The following KMT2A variants were observed in gnomAD, a reference collection of about 807,000 sequenced individuals.
KMT2A encodes histone-lysine N-methyltransferase 2A.
Under a neutral mutation model 345.3 loss-of-function variants are expected in KMT2A, and 16 were observed. That is an observed-to-expected ratio of 0.05 (90% confidence interval 0.03 to 0.07). The LOEUF (loss-of-function observed/expected upper bound fraction) is 0.07, where lower values mean the gene tolerates loss of function less well. Among genes scored for constraint, KMT2A ranks in the 10% least tolerant of loss-of-function variants. The pLI is 1.00. For synonymous variants in KMT2A, 1,599 were observed against 1,778.6 expected, an observed-to-expected ratio of 0.90 and a Z score of 2.54; for missense variants, 3,272 against 4,841.6, an observed-to-expected ratio of 0.68 and a Z score of 9.62.
At position 118,493,624 on chromosome 11, in the gene KMT2A, G is replaced by A. The variant is rs1157566979; in HGVS notation, c.5178+394G>A. Among the ~76,000 whole-genome samples the A allele has an allele frequency of 2.0e-5, 3 of 152,116 alleles. No homozygotes were observed. Among genetic ancestry groups the A allele is most frequent in the African/African-American group, 7.2e-5 (3 of 41,420 alleles). ...GGTCTTCATTTGTAGATAGATGCCT[G>A]TTAATTTTATGATTTTAAGTATGTA... On this transcript the variant is annotated intron_variant, in intron 16 of 35. Transcript: ENST00000534358. The surrounding 1 kb of genome is among the most constrained non-coding windows in gnomAD (Gnocchi z 5.8).
At chr11:118,437,682 C>A (rs9332750) in intron 1 of KMT2A, among the ~76,000 whole-genome samples, 4,162 of 151,700 alleles carry the variant, frequency 0.027, 80 homozygotes, top group Non-Finnish European at 0.045. Context: ...TCTTCCCCCC[C>A]CCGCCCCGTC....
At position 118,494,762 on chromosome 11, in the gene KMT2A, A is replaced by C. The variant is rs782744821; in HGVS notation, c.5358A>C (p.Ser1786=). ...GGTTTTGGGAGCCAAATAAAGTATC[A>C]AGCAAGTAAGTGAATTTAGCATAAC... ...KSRFWEPNKV[S]SNSGMLPNAV... The change falls in exon 18 of 36, where the codon TCA becomes TCC. Residue 1786 remains serine (S), a synonymous_variant. Transcript: ENST00000534358. The surrounding 1 kb of genome is among the most constrained non-coding windows in gnomAD (Gnocchi z 5.8). 3 of 1,612,674 alleles carry C rather than the reference A, an allele frequency of 1.9e-6. No homozygotes were observed. In the East Asian group the frequency reaches 6.7e-5, roughly 36 times the overall value.
At chr11:118,452,402 G>T (rs1292672226) in intron 1 of KMT2A, among the ~76,000 whole-genome samples, 1 of 152,076 alleles carries the variant, frequency 6.6e-6, no homozygotes, top group African/African-American at 2.4e-5. Flanking sequence ...GCATGGTGGT[G>T]AGCACTGTAG....
At chr11:118,488,333 G>A (rs1404063302) in intron 10 of KMT2A, among the ~76,000 whole-genome samples, 2 of 151,714 alleles carry the variant, frequency 1.3e-5, no homozygotes, top group Non-Finnish European at 2.9e-5. Context: ...ATAGCTCTTT[G>A]TTTATACCAC....
At position 118,473,597 on chromosome 11, in the gene KMT2A, A is replaced by G; in HGVS notation, c.2438A>G (p.Asn813Ser). 6.2e-7 allele frequency: 1 copy of G among 1,614,088 alleles called. No individual in the cohort carries two copies. Among genetic ancestry groups the G allele is most frequent in the Non-Finnish European group, 8.5e-7 (1 of 1,180,040 alleles). ...LTQSGESAEK[N>S]QRPRKQTSAP... ...CAGTCTGGGGAATCTGCAGAGAAAA[A>G]TCAGAGACCAAGGAAGCAGACTAGT... is the stretch of plus-strand genomic sequence containing the variant. Residue 813 changes from asparagine (N) to serine (S), a missense_variant, in exon 3 of 36, where the codon AAT becomes AGT. This residue lies in a region of KMT2A where 209 missense variants were observed against 237.4 expected (regional missense o/e 0.88). Coordinates refer to ENST00000534358, the MANE Select transcript of KMT2A (RefSeq NM_001197104.2). This position sits in a 1 kb window ranked among gnomAD's most constrained non-coding sequence, Gnocchi z 5.2.
Position 118,520,738 on chromosome 11 carries a change from C to T in KMT2A, c.11430-64C>T, listed in dbSNP as rs1950946439. 3.3e-6 allele frequency: 4 copies of T among 1,204,770 alleles called. No homozygotes were observed. In the Admixed American group the frequency reaches 5.1e-5, roughly 15 times the overall value. The allele number at this position is 1,204,770 out of a possible 1,614,324, so 74.6% of individuals were successfully genotyped here. A position where few individuals can be genotyped will look rare whatever the true frequency, so the allele number is the denominator to read the frequency against. ...TGTACTAATTGTCTCTAGGAACCTT[C>T]GATTCAAGACTCAAAACATTATTTC... On this transcript the variant is annotated intron_variant, in intron 33 of 35. Coordinates refer to ENST00000534358, the MANE Select transcript of KMT2A (RefSeq NM_001197104.2). This position sits in a 1 kb window ranked among gnomAD's most constrained non-coding sequence, Gnocchi z 4.3.
rs1950452639 is a variant in KMT2A at position 118,498,849 on chromosome 11, C to T, written c.5961+321C>T. Among the ~76,000 whole-genome samples, 1 of 152,138 alleles carries T rather than the reference C, an allele frequency of 6.6e-6. No homozygotes were observed. Among genetic ancestry groups the T allele is most frequent in the African/African-American group, 2.4e-5 (1 of 41,410 alleles). On this transcript the variant is annotated intron_variant, in intron 22 of 35. Coordinates refer to ENST00000534358, the MANE Select transcript of KMT2A (RefSeq NM_001197104.2). The surrounding 1 kb of genome is among the most constrained non-coding windows in gnomAD (Gnocchi z 4.4). Reference sequence around the variant, plus strand: ...ATTATACCATCATATGGAGTATTTTCGCTGCCTTAAACATCCTCTGTGCTC... The same window carrying T: ...ATTATACCATCATATGGAGTATTTTTGCTGCCTTAAACATCCTCTGTGCTC...
rs1950195374 is a variant in KMT2A at position 118,484,450 on chromosome 11, G to T, written c.4218+136G>T. On this transcript the variant is annotated intron_variant, in intron 9 of 35. Coordinates refer to ENST00000534358, the MANE Select transcript of KMT2A (RefSeq NM_001197104.2). This position sits in a 1 kb window ranked among gnomAD's most constrained non-coding sequence, Gnocchi z 4.1. ...AATAAGAACTCCCATTAGCAGGTGG[G>T]TTTAGCGCTGGGAGAGCTTTGGTCA... 1.5e-5 allele frequency: 13 copies of T among 879,934 alleles called. 1 individual carries two copies. The Middle Eastern group carries it at 2.0e-3, about 136-fold the overall frequency. 54.5% of individuals were successfully genotyped at this position (879,934 alleles called of 1,614,324 possible).
rs201921171 is a variant in KMT2A at position 118,505,415 on chromosome 11, A to G, written c.9523A>G (p.Ser3175Gly). 2 of 1,614,198 alleles carry G rather than the reference A, an allele frequency of 1.2e-6. No individual in the cohort carries two copies. The highest frequency in any genetic ancestry group is 1.7e-6 in the Non-Finnish European group (2 of 1,180,036). ...TTCCTTCCCTGCAGCTACTCAAAGTAGTTTCCCACCAAACATCAGCAATCC... is the reference window on the plus strand; with the variant it reads ...TTCCTTCCCTGCAGCTACTCAAAGTGGTTTCCCACCAAACATCAGCAATCC... ...LHSFPAATQS[S>G]FPPNISNPPS... is the part of the protein sequence containing the mutation. Residue 3175 changes from serine to glycine, a missense_variant, in exon 27 of 36, where the codon AGT becomes GGT. Physicochemically the swap from Ser to Gly is moderately conservative, Grantham distance 56 (BLOSUM62 0). Around this residue, in one of 27 missense-constraint regions of KMT2A, gnomAD observed 748 missense variants for 922.2 expected, o/e 0.81. Transcript: ENST00000534358. The surrounding 1 kb of genome is among the most constrained non-coding windows in gnomAD (Gnocchi z 4.6).
rs944091846 is a variant in KMT2A, at chr11:118,502,003, A to G, written c.6505+146A>G. 3 of 695,648 alleles carry G rather than the reference A, an allele frequency of 4.3e-6. No individual in the cohort carries two copies. Among genetic ancestry groups the G allele is most frequent in the Non-Finnish European group, 6.9e-6 (3 of 431,828 alleles). The allele number at this position is 695,648 out of a possible 1,614,324, so 43.1% of individuals were successfully genotyped here. A position where few individuals can be genotyped will look rare whatever the true frequency, so the allele number is the denominator to read the frequency against. ...TGAGGTGGCTCATGCCTGTAATCCT[A>G]GCACTTTGGGAGGCCAGGGCAGGTG... On this transcript the variant is annotated intron_variant, in intron 26 of 35. Coordinates refer to ENST00000534358, the MANE Select transcript of KMT2A (RefSeq NM_001197104.2). This position sits in a 1 kb window ranked among gnomAD's most constrained non-coding sequence, Gnocchi z 4.9.
intron 8 of KMT2A, among the ~76,000 whole-genome samples, chr11:118,483,759 TG>T: frequency 6.6e-6 from 1 of 151,870 alleles, no homozygotes; most frequent in East Asian, 2.0e-4. Context: ...AGAGATAGTG[TG>T]GTGGCTCACA....
Position 118,526,424 on chromosome 11 carries a change from C to T in KMT2A, c.*4252C>T, listed in dbSNP as rs1219648588. On this transcript the variant is annotated 3_prime_UTR_variant, in exon 36 of 36. Transcript: ENST00000534358. ...GGTGTTTCTTTTATTGAACTTTTAACAGTCTCTTTAGTAAATACAGGTAGT... is the reference window on the plus strand; with the variant it reads ...GGTGTTTCTTTTATTGAACTTTTAATAGTCTCTTTAGTAAATACAGGTAGT... 1 of 227,830 alleles carries T rather than the reference C, an allele frequency of 4.4e-6. No homozygotes were observed. The highest frequency in any genetic ancestry group is 8.7e-6 in the Non-Finnish European group (1 of 114,940). The allele number at this position is 227,830 out of a possible 1,614,324, so 14.1% of individuals were successfully genotyped here. A position where few individuals can be genotyped will look rare whatever the true frequency, so the allele number is the denominator to read the frequency against.
rs782731643 is a variant in KMT2A, at chr11:118,498,091, A to T, written c.5802+18A>T. On this transcript the variant is annotated intron_variant, in intron 21 of 35. Coordinates refer to ENST00000534358, the MANE Select transcript of KMT2A (RefSeq NM_001197104.2). The surrounding 1 kb of genome is among the most constrained non-coding windows in gnomAD (Gnocchi z 4.4). ...AGCAGCTGGTAAGACCTTATGGGTA[A>T]ATTTTATGAAAGAGATTCCCTCTCA... is the stretch of plus-strand genomic sequence containing the variant. 8.1e-6 allele frequency: 13 copies of T among 1,608,606 alleles called. No homozygotes were observed. The highest frequency in any genetic ancestry group is 1.1e-5 in the Non-Finnish European group (13 of 1,177,374).
chr11:118,436,606 C>G lies in KMT2A; in HGVS notation c.94C>G (p.Arg32Gly). The part of the protein sequence containing the change: ...GGRRGLGGAP[R>G]QRVPALLLPP... ...GCGCCGGGGCCTAGGGGGCGCCCCG[C>G]GGCAACGCGTCCCGGCCCTGCTGCT... Residue 32 changes from arginine (R) to glycine (G), a missense_variant, in exon 1 of 36, where the codon CGG (arginine) becomes GGG (glycine). Around this residue, in one of 27 missense-constraint regions of KMT2A, gnomAD observed 412 missense variants for 511.0 expected, o/e 0.81. Transcript: ENST00000534358. The surrounding 1 kb of genome is among the most constrained non-coding windows in gnomAD (Gnocchi z 6.9). 8.6e-7 allele frequency: 1 copy of G among 1,161,950 alleles called. No individual in the cohort carries two copies. Among genetic ancestry groups the G allele is most frequent in the Non-Finnish European group, 1.1e-6 (1 of 938,364 alleles). 72.0% of individuals were successfully genotyped at this position (1,161,950 alleles called of 1,614,324 possible).
rs1460522380 is a variant in KMT2A at position 118,493,899 on chromosome 11, T to C, written c.5179-389T>C. Among the ~76,000 whole-genome samples, 1 of 152,062 alleles carries C rather than the reference T, an allele frequency of 6.6e-6. No homozygotes were observed. The highest frequency in any genetic ancestry group is 2.4e-5 in the African/African-American group (1 of 41,386). The stretch of plus-strand genomic sequence containing the variant: ...GCTAATTTTGTATTTTTGGCGGAGA[T>C]TGGGTTTCACCATGTTGGCTAGGCT... On this transcript the variant is annotated intron_variant, in intron 16 of 35. Coordinates refer to ENST00000534358, the MANE Select transcript of KMT2A (RefSeq NM_001197104.2). The surrounding 1 kb of genome is among the most constrained non-coding windows in gnomAD (Gnocchi z 5.8).
Position 118,490,535 on chromosome 11 carries a change from C to A in KMT2A, c.4696+286C>A, listed in dbSNP as rs1555042193. On this transcript the variant is annotated intron_variant, in intron 13 of 35. Transcript: ENST00000534358. The surrounding 1 kb of genome is among the most constrained non-coding windows in gnomAD (Gnocchi z 4.2). ...ATATTATATATTTGATTATTTCAGA[C>A]ATTATTTTAGTTGCTACCCAAACAT... 6.6e-6 allele frequency among the ~76,000 whole-genome samples: 1 copy of A among 151,922 alleles called. No individual in the cohort carries two copies. The highest frequency in any genetic ancestry group is 1.5e-5 in the Non-Finnish European group (1 of 67,988).
At position 118,478,177 on chromosome 11, in the gene KMT2A, G is replaced by C. The variant is rs782323910; in HGVS notation, c.3545G>C (p.Arg1182Pro). 6.2e-7 allele frequency: 1 copy of C among 1,613,762 alleles called. No individual in the cohort carries two copies. Among genetic ancestry groups the C allele is most frequent in the Non-Finnish European group, 8.5e-7 (1 of 1,179,796 alleles). The change falls in exon 5 of 36, where the codon CGC (arginine) becomes CCC (proline). Residue 1182 changes from arginine to proline, a missense_variant. Physicochemically the swap from Arg to Pro is moderately radical, Grantham distance 103. Around this residue, in one of 27 missense-constraint regions of KMT2A, gnomAD observed 26 missense variants for 90.5 expected, o/e 0.29. Transcript: ENST00000534358. ...NCLDKPKFGG[R>P]NIKKQCCKMR... ...TTAGATAAGCCCAAGTTTGGTGGTC[G>C]CAATATAAAGAAGCAGTGCTGCAAG... is the stretch of plus-strand genomic sequence containing the variant.
Position 118,496,658 on chromosome 11 carries a change from T to C in KMT2A, c.5664+291T>C, listed in dbSNP as rs533133663. Reference sequence around the variant, plus strand: ...TCTAGTAATTTCTAATGGAAGTTCCTCAAGAATATTTTGTGAAAGTTAATA... The same window carrying C: ...TCTAGTAATTTCTAATGGAAGTTCCCCAAGAATATTTTGTGAAAGTTAATA... On this transcript the variant is annotated intron_variant, in intron 20 of 35. Transcript: ENST00000534358. This position sits in a 1 kb window ranked among gnomAD's most constrained non-coding sequence, Gnocchi z 4.7. Among the ~76,000 whole-genome samples the C allele has an allele frequency of 3.9e-5, 6 of 152,322 alleles. No individual in the cohort carries two copies. The East Asian group carries it at 1.2e-3, about 29-fold the overall frequency.
rs782727635 is a variant in KMT2A, at chr11:118,499,375, A to C, written c.6034A>C (p.Lys2012Gln). The C allele has an allele frequency of 1.2e-6, 2 of 1,609,452 alleles. 1 individual carries two copies. Among genetic ancestry groups the C allele is most frequent in the South Asian group, 2.2e-5 (2 of 91,062 alleles). Residue 2012 changes from lysine (K) to glutamine (Q), a missense_variant, in exon 23 of 36, where the codon AAG becomes CAG. Lys to Gln is a moderately conservative substitution (Grantham distance 53). This residue lies in a region of KMT2A where 235 missense variants were observed against 503.4 expected (regional missense o/e 0.47). Transcript: ENST00000534358. ...VDFEGISLRR[K>Q]FLNGLEPENI... ...CTTTGAAGGAATCAGCTTGAGAAGGAAGTTTCTCAATGGCTTGGAACCAGA... is the reference window on the plus strand; with the variant it reads ...CTTTGAAGGAATCAGCTTGAGAAGGCAGTTTCTCAATGGCTTGGAACCAGA...
Sources: gnomAD v4.1 joint callset for allele counts (sites outside exome capture counted in the v4.1 genomes callset) on GRCh38, gnomAD v4.1.1 for gene constraint, gnomAD v4.1.1 regional missense constraint, Gnocchi (gnomAD v3.1) non-coding constraint, MANE v1.5 for transcripts, NCBI Gene and HGNC (gene_info 2026-07-23, HGNC 2026-07-21) for gene names.